EMSY: variants seen among roughly 807,000 people sequenced by gnomAD.
EMSY encodes BRCA2-interacting transcriptional repressor EMSY.
A neutral mutation model predicts 134.6 loss-of-function variants in EMSY; 26 were observed. The observed-to-expected ratio is 0.19, with a 90% CI of 0.14 to 0.27. EMSY has a LOEUF of 0.27. EMSY is among the 10% of genes least tolerant of loss of function. The pLI is 1.00. For synonymous variants in EMSY, 579 were observed against 577.8 expected (o/e 1.00, Z -0.03); for missense variants, 1,305 against 1,611.4 (o/e 0.81, Z 3.26).
intron 2 of EMSY, 113 bp from the exon 3 acceptor site, chr11:76,451,745 A>G (rs1449673685): frequency 3.9e-6 from 2 of 507,684 alleles, no homozygotes; most frequent in South Asian, 5.5e-5. Context: ...GGAATTTAAA[A>G]CAATATTTTT....
chr11:76,463,673 C>A, intron 6 of EMSY, 148 bp from the exon 8 acceptor site: 1 of 797,590 alleles, frequency 1.3e-6, no homozygotes, highest in Non-Finnish European at 1.9e-6. Context: ...CATTCAGAGA[C>A]CACTTCTCTG....
At chr11:76,479,577 C>T (rs1948891278) in intron 8 of EMSY, among the ~76,000 whole-genome samples, 1 of 152,140 alleles carries the variant, frequency 6.6e-6, no homozygotes, top group Admixed American at 6.5e-5. Flanking sequence ...GTCCAAAAGG[C>T]CTGCAGATAC....
At chr11:76,494,263 A>G (rs1278149939) in intron 8 of EMSY, among the ~76,000 whole-genome samples, 2 of 152,232 alleles carry the variant, frequency 1.3e-5, no homozygotes, top group Non-Finnish European at 2.9e-5. Context: ...ATACTCAGGT[A>G]GAAGGTGCCG....
intron 6 of EMSY, among the ~76,000 whole-genome samples, chr11:76,463,389 C>T (rs1393247101): frequency 2.0e-5 from 3 of 148,766 alleles, no homozygotes; most frequent in Non-Finnish European, 3.0e-5. Flanking sequence ...TTTGGGAGGC[C>T]GAGGCGGGTG....
At chr11:76,548,439 G>C (rs946799779) in intron 20 of EMSY, among the ~76,000 whole-genome samples, 1 of 152,116 alleles carries the variant, frequency 6.6e-6, no homozygotes, top group Non-Finnish European at 1.5e-5. Flanking sequence ...CAGGCACAGT[G>C]CTAAGTGCTG....
At chr11:76,445,479 A>G (rs1375253354) in intron 1 of EMSY, among the ~76,000 whole-genome samples, 1 of 151,824 alleles carries the variant, frequency 6.6e-6, no homozygotes, top group African/African-American at 2.4e-5. Flanking sequence ...TGGGTCGTGG[A>G]CTTGACATTG....
At chr11:76,513,069 G>T (rs1950333447) in intron 9 of EMSY, among the ~76,000 whole-genome samples, 1 of 152,130 alleles carries the variant, frequency 6.6e-6, no homozygotes, top group Admixed American at 6.6e-5. Flanking sequence ...TGTATGGAAA[G>T]GATTATTTGC....
intron 12 of EMSY, among the ~76,000 whole-genome samples, chr11:76,524,428 A>G (rs1367923128): frequency 6.6e-6 from 1 of 152,178 alleles, no homozygotes; most frequent in Non-Finnish European, 1.5e-5. Context: ...GATCTCATAA[A>G]AGCTTCATTG....
At chr11:76,534,583 T>C (rs915048154) in intron 14 of EMSY, among the ~76,000 whole-genome samples, 2 of 152,180 alleles carry the variant, frequency 1.3e-5, no homozygotes, top group Non-Finnish European at 2.9e-5. Context: ...GCCCCAACAT[T>C]TTTCAACAAC....
chr11:76,518,555 A>T (rs1428913031), intron 11 of EMSY, among the ~76,000 whole-genome samples: 3 of 151,830 alleles, frequency 2.0e-5, no homozygotes, highest in Non-Finnish European at 1.5e-5. Context: ...GAGAATTTGG[A>T]AACTACAGCC....
At chr11:76,505,809 A>G (rs1046384856) in intron 9 of EMSY, among the ~76,000 whole-genome samples, 1 of 151,832 alleles carries the variant, frequency 6.6e-6, no homozygotes, top group Non-Finnish European at 1.5e-5. Flanking sequence ...GTGAACCAAG[A>G]TCACGCCCCT....
At chr11:76,519,540 A>G (rs1950572778) in intron 11 of EMSY, among the ~76,000 whole-genome samples, 1 of 152,204 alleles carries the variant, frequency 6.6e-6, no homozygotes, top group Non-Finnish European at 1.5e-5. Context: ...GACAACAGCA[A>G]AACTTTAATT....
chr11:76,518,225 A>T (rs1457321191), intron 11 of EMSY, among the ~76,000 whole-genome samples: 1 of 141,552 alleles, frequency 7.1e-6, no homozygotes, highest in Non-Finnish European at 1.5e-5. Flanking sequence ...GCCAGGGTGC[A>T]GTGGCATGAT....
chr11:76,511,007 TC>T (rs1352822758), intron 9 of EMSY, among the ~76,000 whole-genome samples: 1 of 152,194 alleles, frequency 6.6e-6, no homozygotes, highest in African/African-American at 2.4e-5. Context: ...CTGGACCCTT[TC>T]AATGGTGGTT....
intron 8 of EMSY, among the ~76,000 whole-genome samples, chr11:76,484,249 C>T (rs1221639759): frequency 6.6e-6 from 1 of 152,192 alleles, no homozygotes; most frequent in Admixed American, 6.5e-5. Flanking sequence ...CAGGTTAAAG[C>T]AGTGTTTAGA....
In EMSY at chr11:76,518,708, T is replaced by A. The variant is rs995353760; in HGVS notation, c.1684+2396T>A. On this transcript the variant is annotated intron_variant, in intron 11 of 20. Transcript: ENST00000334736. Reference sequence around the variant, plus strand: ...GCATATATATATATATATATATTTTTTTTTTAATTGGGATCTAATATAGTC... The same window carrying A: ...GCATATATATATATATATATATTTTATTTTTAATTGGGATCTAATATAGTC... Among the ~76,000 whole-genome samples the A allele has an allele frequency of 7.5e-5, 11 of 146,086 alleles. No individual in the cohort carries two copies. In the East Asian group the frequency reaches 1.2e-3, roughly 16 times the overall value.
chr11:76,535,807 GCAAA>G, intron 14 of EMSY, 84 bp from the exon 16 acceptor site: 1 of 1,071,882 alleles, frequency 9.3e-7, no homozygotes. Flanking sequence ...AGAAAGATAA[GCAAA>G]CAGACAAAAA....
rs552584820 is a variant in EMSY, at chr11:76,528,591, T to C, written c.2194+125T>C. 387 of 631,706 alleles carry C rather than the reference T, an allele frequency of 6.1e-4. 1 individual carries two copies. Among genetic ancestry groups the C allele is most frequent in the Middle Eastern group, 9.3e-4 (2 of 2,158 alleles). The allele number at this position is 631,706 out of a possible 1,614,324, so 39.1% of individuals were successfully genotyped here. A position where few individuals can be genotyped will look rare whatever the true frequency, so the allele number is the denominator to read the frequency against. On this transcript the variant is annotated intron_variant, in intron 14 of 20. Transcript: ENST00000334736. ...TGCTCTATCAATTCTTTTCCTTTTT[T>C]TTTTTTTTTTTTATTGTTTGATGTT... is the stretch of plus-strand genomic sequence containing the variant.
chr11:76,549,512 C>T (rs894834537), intron 20 of EMSY, among the ~76,000 whole-genome samples: 2 of 152,212 alleles, frequency 1.3e-5, no homozygotes, highest in Non-Finnish European at 2.9e-5. Flanking sequence ...TTTACATTTA[C>T]ATTTGCTTAA....
Sources: allele counts gnomAD v4.1 joint callset (sites outside exome capture counted in the v4.1 genomes callset), GRCh38; gene constraint gnomAD v4.1.1; transcripts MANE v1.5; gene names NCBI Gene and HGNC (gene_info 2026-07-23, HGNC 2026-07-21).